The following KIF16B variants were observed in gnomAD, a reference collection of about 807,000 sequenced individuals.
The protein encoded by KIF16B is kinesin-like protein KIF16B.
KIF16B carries 98 observed loss-of-function variants against 156.3 expected under a neutral mutation model. The ratio of observed to expected loss-of-function variants is 0.63; its 90% CI spans 0.53 to 0.74. The LOEUF is 0.74. KIF16B is among the 30% of genes least tolerant of loss of function. KIF16B has a pLI of 0.00. For synonymous variants in KIF16B, 564 were observed against 583.7 expected (o/e 0.97, Z 0.49); for missense variants, 1,421 against 1,606.5 (o/e 0.88, Z 1.97).
chr20:16,337,006 A>T (rs192035416), intron 23 of KIF16B, among the ~76,000 whole-genome samples: 1 of 152,332 alleles, frequency 6.6e-6, no homozygotes, highest in Non-Finnish European at 1.5e-5. Flanking sequence ...TTTAGAACTC[A>T]AATCTAACCA....
At chr20:16,278,634 G>A (rs981460296) in intron 25 of KIF16B, among the ~76,000 whole-genome samples, 3 of 152,204 alleles carry the variant, frequency 2.0e-5, no homozygotes, top group Admixed American at 6.5e-5. Flanking sequence ...CAAAGAAAGT[G>A]TGACCCTGGC....
chr20:16,453,004 C>G (rs1220908715), intron 12 of KIF16B, among the ~76,000 whole-genome samples: 1 of 151,834 alleles, frequency 6.6e-6, no homozygotes, highest in Non-Finnish European at 1.5e-5. Flanking sequence ...AAAACTGATG[C>G]CATACTTTAC....
intron 12 of KIF16B, among the ~76,000 whole-genome samples, chr20:16,472,373 C>T (rs2067686216): frequency 6.6e-6 from 1 of 151,880 alleles, no homozygotes; most frequent in Admixed American, 6.6e-5. Flanking sequence ...TTATTATCCC[C>T]ATTTTAAGGA....
At chr20:16,410,991 T>A (rs1438963556) in intron 15 of KIF16B, among the ~76,000 whole-genome samples, 1 of 152,036 alleles carries the variant, frequency 6.6e-6, no homozygotes, top group Non-Finnish European at 1.5e-5. Flanking sequence ...ATTACAGACT[T>A]GGTTCTGGTG....
intron 25 of KIF16B, among the ~76,000 whole-genome samples, chr20:16,299,692 T>C (rs2063443500): frequency 6.6e-6 from 1 of 152,196 alleles, no homozygotes; most frequent in African/African-American, 2.4e-5. Context: ...AATCACATTT[T>C]GGTATTAAAT....
chr20:16,502,459 T>C (rs2068654062), intron 10 of KIF16B, among the ~76,000 whole-genome samples: 1 of 152,216 alleles, frequency 6.6e-6, no homozygotes, highest in Non-Finnish European at 1.5e-5. Flanking sequence ...GGATTCACAT[T>C]TTTATTGTAA....
chr20:16,422,662 A>G (rs1330871304), intron 15 of KIF16B, among the ~76,000 whole-genome samples: 1 of 152,192 alleles, frequency 6.6e-6, no homozygotes, highest in Non-Finnish European at 1.5e-5. Context: ...CTATACAACT[A>G]TAATGTGTTT....
At chr20:16,533,863 C>A (rs913253757) in intron 1 of KIF16B, among the ~76,000 whole-genome samples, 1 of 152,048 alleles carries the variant, frequency 6.6e-6, no homozygotes, top group African/African-American at 2.4e-5. Context: ...ACATTAAGAT[C>A]GAGGCCATCT....
intron 3 of KIF16B, among the ~76,000 whole-genome samples, chr20:16,517,032 C>A (rs6105619): frequency 0.027 from 4,053 of 152,252 alleles, 164 homozygotes; most frequent in African/African-American, 0.093. Context: ...GGAGACAACT[C>A]CCCTCTGGCC....
chr20:16,448,768 G>T (rs184859117), intron 12 of KIF16B, among the ~76,000 whole-genome samples: 9 of 152,190 alleles, frequency 5.9e-5, no homozygotes, highest in Non-Finnish European at 1.3e-4. Context: ...AAAATAAAGG[G>T]AACAGCATAT....
At chr20:16,541,996 C>A (rs903268385) in intron 1 of KIF16B, among the ~76,000 whole-genome samples, 1 of 152,186 alleles carries the variant, frequency 6.6e-6, no homozygotes, top group East Asian at 1.9e-4. Flanking sequence ...ATCTGGGTGG[C>A]AAGCACGGTG....
intron 1 of KIF16B, 147 bp from the exon 2 acceptor site, chr20:16,528,587 C>A: frequency 1.6e-6 from 1 of 625,604 alleles, no homozygotes. Context: ...ACGGCTCCTC[C>A]CAAATCCTTA....
chr20:16,394,484 A>G (rs907145883), intron 17 of KIF16B, among the ~76,000 whole-genome samples: 2 of 152,240 alleles, frequency 1.3e-5, no homozygotes, highest in Non-Finnish European at 2.9e-5. Context: ...AAGGCAATCT[A>G]TAGCCAACTG....
chr20:16,514,885 CAAAAA>C (rs10564862), intron 4 of KIF16B, among the ~76,000 whole-genome samples: 1,612 of 60,720 alleles, frequency 0.027, 15 homozygotes, highest in Middle Eastern at 0.11. Flanking sequence ...GATTCCATCT[CAAAAA>C]AAAAAAAAAA....
At chr20:16,496,459 A>T (rs1254566360) in intron 11 of KIF16B, among the ~76,000 whole-genome samples, 1 of 152,252 alleles carries the variant, frequency 6.6e-6, no homozygotes, top group Non-Finnish European at 1.5e-5. Context: ...AAGAATGCAA[A>T]CATGTGCTAC....
At chr20:16,550,734 C>T (rs553489436) in intron 1 of KIF16B, among the ~76,000 whole-genome samples, 3 of 151,700 alleles carry the variant, frequency 2.0e-5, no homozygotes, top group African/African-American at 4.8e-5. Context: ...GGGTTTTCAC[C>T]ACATTGCTCA....
chr20:16,462,502 C>T (rs143850873), intron 12 of KIF16B, among the ~76,000 whole-genome samples: 5 of 152,238 alleles, frequency 3.3e-5, no homozygotes, highest in Admixed American at 6.5e-5. Context: ...TCTTCCCTTT[C>T]CCTGTCTTAT....
chr20:16,368,612 T>C, intron 22 of KIF16B: 4 of 985,908 alleles, frequency 4.1e-6, no homozygotes, highest in Non-Finnish European at 4.8e-6. Context: ...AGTCCATTGT[T>C]TCCTTCTGTT....
At chr20:16,539,058 A>G (rs2070092314) in intron 1 of KIF16B, among the ~76,000 whole-genome samples, 1 of 152,106 alleles carries the variant, frequency 6.6e-6, no homozygotes, top group Non-Finnish European at 1.5e-5. Flanking sequence ...TGATGAGCCA[A>G]TTTAACCTCT....
Sources: allele counts gnomAD v4.1 joint callset (sites outside exome capture counted in the v4.1 genomes callset), GRCh38; gene constraint gnomAD v4.1.1; transcripts MANE v1.5; gene names NCBI Gene and HGNC (gene_info 2026-07-23, HGNC 2026-07-21).